The following NAT16 variants were observed in gnomAD, a reference collection of about 807,000 sequenced individuals.
NAT16 encodes probable N-acetyltransferase 16.
Under a neutral mutation model 15.9 loss-of-function variants are expected in NAT16, and 16 were observed. The observed-to-expected ratio is 1.01, with a 90% CI of 0.68 to 1.53. The LOEUF is 1.53. Ranked by LOEUF, NAT16 falls within the 40% of genes most tolerant of loss-of-function variation. The pLI is 0.00. For missense variants in NAT16, 572 were observed against 508.4 expected (o/e 1.13, Z -1.20); for synonymous variants, 260 against 241.9 (o/e 1.07, Z -0.69).
At chr7:101,175,586 G>C (rs1405729941) in intron 1 of NAT16, among the ~76,000 whole-genome samples, 5 of 151,186 alleles carry the variant, frequency 3.3e-5, no homozygotes, top group African/African-American at 1.2e-4. Flanking sequence ...CAGATCCAGG[G>C]ACCCAGGCAA....
rs757719 is a variant in NAT16 at position 101,171,466 on chromosome 7, C to A, written c.*613G>T. 143,753 of 152,784 alleles carry A rather than the reference C, an allele frequency of 0.94. 67,697 individuals carry two copies. The highest frequency in any genetic ancestry group is 0.98 in the African/African-American group (40,766 of 41,544). 9.5% of individuals were successfully genotyped at this position (152,784 alleles called of 1,614,324 possible). A position where few individuals can be genotyped will look rare whatever the true frequency, so the allele number is the denominator to read the frequency against. On this transcript the variant is annotated 3_prime_UTR_variant, in exon 4 of 4. Coordinates refer to ENST00000300303, the MANE Select transcript of NAT16 (RefSeq NM_198571.3). ...GGTGTTAAGCGTCGTAGAGATCCAG[C>A]GAGGATGAGGATGAGGGGCTAGAGA...
rs1201432121 is a variant in NAT16, at chr7:101,172,324, C to T, written c.865G>A (p.Gly289Arg). The part of the protein sequence containing the change: ...LCTRPFPIPH[G>R]GDGTWRYLNI... ...AGATAGCGCCAAGTGCCGTCCCCTCCGTGCGGGATGGGGAAGGGGCGCGTG... is the reference window on the plus strand; with the variant it reads ...AGATAGCGCCAAGTGCCGTCCCCTCTGTGCGGGATGGGGAAGGGGCGCGTG... The change falls in exon 4 of 4, where the codon GGA becomes AGA. Residue 289 changes from glycine (G) to arginine (R), a missense_variant. By Grantham distance (125) the Gly-to-Arg change is moderately radical (BLOSUM62 -2). Transcript: ENST00000300303. This position sits in a 1 kb window ranked among gnomAD's most constrained non-coding sequence, Gnocchi z 4.2. The T allele has an allele frequency of 1.9e-6, 3 of 1,606,414 alleles. No homozygotes were observed. In the South Asian group the frequency reaches 3.3e-5, roughly 18 times the overall value.
chr7:101,173,228 G>A, intron 3 of NAT16, 68 bp downstream of exon 3: 1 of 1,350,638 alleles, frequency 7.4e-7, no homozygotes, highest in Admixed American at 1.7e-5. Context: ...TTCTGCTGGG[G>A]GTGGGGAGGG....
In NAT16 at chr7:101,172,141, C is replaced by G. The variant is rs1309823104; in HGVS notation, c.1048G>C (p.Gly350Arg). The change falls in exon 4 of 4, where the codon GGG becomes CGG. Residue 350 changes from glycine to arginine, a missense_variant. Physicochemically the swap from Gly to Arg is moderately radical, Grantham distance 125 (BLOSUM62 -2). Transcript: ENST00000300303. The surrounding 1 kb of genome is among the most constrained non-coding windows in gnomAD (Gnocchi z 4.2). Reference sequence around the variant, plus strand: ...CCCTTCACCAGCTCCAGTCCCAGCCCGACCTGGCAGAAGTCAGCCAGCTGT... The same window carrying G: ...CCCTTCACCAGCTCCAGTCCCAGCCGGACCTGGCAGAAGTCAGCCAGCTGT... ...WSQLADFCQVGLGLELVKGYT... is the reference protein window; with the variant it reads ...WSQLADFCQVRLGLELVKGYT... 1.9e-6 allele frequency: 3 copies of G among 1,613,944 alleles called. No homozygotes were observed. Among genetic ancestry groups the G allele is most frequent in the Non-Finnish European group, 2.5e-6 (3 of 1,179,978 alleles).
At chr7:101,179,843 G>T (rs538081020) in intron 1 of NAT16, among the ~76,000 whole-genome samples, 199 bp downstream of exon 1, 8 of 151,810 alleles carry the variant, frequency 5.3e-5, no homozygotes, top group Non-Finnish European at 1.2e-4. Context: ...GGCAACAGAG[G>T]GGGGCGGGGG....
Position 101,173,397 on chromosome 7 carries a change from G to A in NAT16, c.436C>T (p.Leu146=). The A allele has an allele frequency of 1.2e-6, 2 of 1,613,854 alleles. No individual in the cohort carries two copies. The highest frequency in any genetic ancestry group is 2.2e-5 in the South Asian group (2 of 91,056). ...ACCCCCGGGTGCTGTCTCTTGACCA[G>A]CTGCGAGCAGAAGCGCTGCAGCAGC... The part of the protein sequence containing the change: ...AGLLQRFCSQ[L]VKRQHPGVKV... The change falls in exon 3 of 4, where the codon CTG becomes TTG. Residue 146 remains leucine, a synonymous_variant. Coordinates refer to ENST00000300303, the MANE Select transcript of NAT16 (RefSeq NM_198571.3).
rs771163513 is a variant in NAT16 at position 101,173,331 on chromosome 7, G to T, written c.502C>A (p.Arg168=). ...ATTAGGCGGTATTTCTTCAGCTCCC[G>T]GGGGCCCAGCTGGTCGTCCCGGGTG... ...RLTRDDQLGP[R]ELKKYRLITK... Residue 168 remains arginine (R), a synonymous_variant, in exon 3 of 4, where the codon CGG becomes AGG. Transcript: ENST00000300303. 1 of 1,613,942 alleles carries T rather than the reference G, an allele frequency of 6.2e-7. No homozygotes were observed. The highest frequency in any genetic ancestry group is 1.3e-5 in the African/African-American group (1 of 75,016).
At chr7:101,175,977 C>T (rs530961091) in intron 1 of NAT16, among the ~76,000 whole-genome samples, 2 of 151,884 alleles carry the variant, frequency 1.3e-5, no homozygotes, top group Non-Finnish European at 2.9e-5. Context: ...TCTCTAAGAC[C>T]TCTGCAAGGA....
At chr7:101,173,854 G>A in intron 2 of NAT16, 2 of 348,722 alleles carry the variant, frequency 5.7e-6, no homozygotes, top group Non-Finnish European at 1.0e-5. Flanking sequence ...AGACTTCCTA[G>A]TAGCTGGGAC....
chr7:101,176,814 G>A (rs927749688), intron 1 of NAT16, among the ~76,000 whole-genome samples: 3 of 152,148 alleles, frequency 2.0e-5, no homozygotes, highest in Admixed American at 6.5e-5. Context: ...GATAACCTAC[G>A]TTAAGCCTCA....
rs1407555880 is a variant in NAT16, at chr7:101,173,391, T to C, written c.442A>G (p.Lys148Glu). 36 of 1,613,850 alleles carry C rather than the reference T, an allele frequency of 2.2e-5. No individual in the cohort carries two copies. The highest frequency in any genetic ancestry group is 3.0e-5 in the Non-Finnish European group (35 of 1,179,962). The change falls in exon 3 of 4, where the codon AAG becomes GAG. Residue 148 changes from lysine (K) to glutamate (E), a missense_variant. By Grantham distance (56) the Lys-to-Glu change is moderately conservative. Coordinates refer to ENST00000300303, the MANE Select transcript of NAT16 (RefSeq NM_198571.3). ...LLQRFCSQLV[K>E]RQHPGVKVAR... ...ACCTTGACCCCCGGGTGCTGTCTCT[T>C]GACCAGCTGCGAGCAGAAGCGCTGC...
At chr7:101,175,921 C>CA (rs34778981) in intron 1 of NAT16, among the ~76,000 whole-genome samples, 7,013 of 144,560 alleles carry the variant, frequency 0.049, 546 homozygotes, top group African/African-American at 0.17. Context: ...GAACCTGTGT[C>CA]AAAAAAAAAA....
At position 101,172,268 on chromosome 7, in the gene NAT16, C is replaced by A. The variant is rs878994315; in HGVS notation, c.921G>T (p.Ala307=). 1.9e-6 allele frequency: 3 copies of A among 1,612,474 alleles called. No individual in the cohort carries two copies. The highest frequency in any genetic ancestry group is 2.5e-6 in the Non-Finnish European group (3 of 1,179,662). The change falls in exon 4 of 4, where the codon GCG becomes GCT. Residue 307 remains alanine, a synonymous_variant. Transcript: ENST00000300303. This position sits in a 1 kb window ranked among gnomAD's most constrained non-coding sequence, Gnocchi z 4.2. ...LNIDAFGSDG[A]QVQSQLLWHL... ...GCCACAGCAGCTGGCTCTGCACCTG[C>A]GCGCCGTCGCTACCGAAGGCGTCGA...
chr7:101,172,478 A>C lies in NAT16; in HGVS notation c.711T>G (p.Leu237=). The change falls in exon 4 of 4, where the codon CTT becomes CTG. Residue 237 remains leucine, a synonymous_variant. Transcript: ENST00000300303. The surrounding 1 kb of genome is among the most constrained non-coding windows in gnomAD (Gnocchi z 4.2). ...LLSPSVQRDV[L]PGGTIIQDWQ... ...AGTCCTGGATGATGGTCCCGCCTGGAAGCACGTCGCGCTGCACGGAGGGTG... is the reference window on the plus strand; with the variant it reads ...AGTCCTGGATGATGGTCCCGCCTGGCAGCACGTCGCGCTGCACGGAGGGTG... 1 of 1,599,432 alleles carries C rather than the reference A, an allele frequency of 6.3e-7. No homozygotes were observed. Among genetic ancestry groups the C allele is most frequent in the African/African-American group, 1.3e-5 (1 of 74,550 alleles).
chr7:101,173,181 GC>G, intron 3 of NAT16, 114 bp downstream of exon 3: 3 of 955,530 alleles, frequency 3.1e-6, no homozygotes, highest in Non-Finnish European at 3.3e-6. Context: ...CATGGGCCGC[GC>G]CACTCGGTAA....
At chr7:101,173,790 C>A in intron 2 of NAT16, 2 of 485,996 alleles carry the variant, frequency 4.1e-6, no homozygotes, top group South Asian at 3.4e-5. Flanking sequence ...GTGGTGCTAT[C>A]ACAGCTCACT....
At chr7:101,178,363 C>T (rs1046392487) in intron 1 of NAT16, among the ~76,000 whole-genome samples, 2 of 152,152 alleles carry the variant, frequency 1.3e-5, no homozygotes, top group African/African-American at 4.8e-5. Context: ...AGGTCAGCGA[C>T]TCCAGGCCAA....
intron 1 of NAT16, among the ~76,000 whole-genome samples, chr7:101,178,710 TAAAAAAAAAAA>T (rs386410830): frequency 2.7e-5 from 2 of 72,794 alleles, no homozygotes; most frequent in Non-Finnish European, 4.9e-5. Flanking sequence ...CTCTCTCTAC[TAAAAAAAAAAA>T]AAAAAAAAAA....
rs890416458 is a variant in NAT16 at position 101,171,871 on chromosome 7, G to A, written c.*208C>T. Reference sequence around the variant, plus strand: ...ATAGTCCGCAAGTTCAGGTCAGGGAGTGGGCAATGGTGTTTGGGGGAGCTA... The same window carrying A: ...ATAGTCCGCAAGTTCAGGTCAGGGAATGGGCAATGGTGTTTGGGGGAGCTA... On this transcript the variant is annotated 3_prime_UTR_variant, in exon 4 of 4. Transcript: ENST00000300303. 1.8e-6 allele frequency: 1 copy of A among 557,752 alleles called. No individual in the cohort carries two copies. 34.6% of individuals were successfully genotyped at this position (557,752 alleles called of 1,614,324 possible).
Sources: gnomAD v4.1 joint callset for allele counts (sites outside exome capture counted in the v4.1 genomes callset) on GRCh38, gnomAD v4.1.1 for gene constraint, Gnocchi (gnomAD v3.1) non-coding constraint, MANE v1.5 for transcripts, NCBI Gene and HGNC (gene_info 2026-07-23, HGNC 2026-07-21) for gene names.